The following XRCC4 variants were observed in gnomAD, a reference collection of about 807,000 sequenced individuals.
XRCC4 encodes X-ray repair cross complementing 4.
In XRCC4, 28 loss-of-function variants were observed where a neutral mutation model predicts 39.1. The observed-to-expected ratio is 0.72, with a 90% CI of 0.53 to 0.98. The LOEUF is 0.98. XRCC4 is among the 50% of genes least tolerant of loss of function. The pLI is 0.00. For synonymous variants in XRCC4, 123 were observed against 126.4 expected, an observed-to-expected ratio of 0.97 and a Z score of 0.18; for missense variants, 350 against 376.4, an observed-to-expected ratio of 0.93 and a Z score of 0.58.
At chr5:83,213,052 A>G (rs1452461707) in intron 6 of XRCC4, among the ~76,000 whole-genome samples, 2 of 151,886 alleles carry the variant, frequency 1.3e-5, no homozygotes, top group Non-Finnish European at 2.9e-5. Flanking sequence ...ATAACAACAG[A>G]CATTATCTGA....
intron 7 of XRCC4, among the ~76,000 whole-genome samples, chr5:83,274,487 G>T (rs1291770047): frequency 1.3e-5 from 2 of 152,142 alleles, no homozygotes; most frequent in Admixed American, 1.3e-4. Context: ...TAGAAGACAT[G>T]GTGGGGAGCA....
intron 3 of XRCC4, among the ~76,000 whole-genome samples, chr5:83,171,093 C>G (rs1237225537): frequency 3.9e-5 from 6 of 152,100 alleles, no homozygotes; most frequent in African/African-American, 1.4e-4. Context: ...CATTCCCATT[C>G]TTACACTCCA....
chr5:83,186,480 C>T (rs931816512), intron 3 of XRCC4, among the ~76,000 whole-genome samples: 2 of 152,178 alleles, frequency 1.3e-5, no homozygotes, highest in Admixed American at 6.5e-5. Context: ...TTACTGTGAT[C>T]TCCTTCCTTT....
At chr5:83,305,853 G>A (rs544033824) in intron 7 of XRCC4, among the ~76,000 whole-genome samples, 55 of 152,192 alleles carry the variant, frequency 3.6e-4, no homozygotes, top group African/African-American at 1.3e-3. Context: ...AAGAGAGAAA[G>A]ATGATATCAA....
At chr5:83,116,868 T>C (rs1407416599) in intron 3 of XRCC4, among the ~76,000 whole-genome samples, 1 of 152,076 alleles carries the variant, frequency 6.6e-6, no homozygotes, top group Non-Finnish European at 1.5e-5. Flanking sequence ...GTGATCTGCC[T>C]GCCTCGGCCT....
chr5:83,093,533 A>G (rs1333230131), intron 1 of XRCC4, among the ~76,000 whole-genome samples: 1 of 152,198 alleles, frequency 6.6e-6, no homozygotes, highest in Non-Finnish European at 1.5e-5. Flanking sequence ...TACACAGATC[A>G]TTTCTGGGAT....
chr5:83,170,528 A>G (rs1418781498), intron 3 of XRCC4, among the ~76,000 whole-genome samples: 1 of 152,122 alleles, frequency 6.6e-6, no homozygotes, highest in Non-Finnish European at 1.5e-5. Context: ...TTCTCTTCCA[A>G]GCTCACATAA....
chr5:83,270,829 A>G (rs1754121856), intron 7 of XRCC4, among the ~76,000 whole-genome samples: 1 of 149,536 alleles, frequency 6.7e-6, no homozygotes, highest in African/African-American at 2.5e-5. Flanking sequence ...TCTGTCACCC[A>G]GGCTGGAATG....
chr5:83,129,289 T>G (rs1747437294), intron 3 of XRCC4, among the ~76,000 whole-genome samples: 1 of 150,144 alleles, frequency 6.7e-6, no homozygotes, highest in African/African-American at 2.5e-5. Flanking sequence ...TGGTTGTAGA[T>G]GTGTGGTATT....
chr5:83,130,833 TA>T (rs1406664509), intron 3 of XRCC4, among the ~76,000 whole-genome samples: 1 of 152,210 alleles, frequency 6.6e-6, no homozygotes, highest in African/African-American at 2.4e-5. Flanking sequence ...TATCATTTTT[TA>T]TTGCATCTAT....
chr5:83,340,457 T>A (rs1756720967), intron 7 of XRCC4, among the ~76,000 whole-genome samples: 1 of 152,064 alleles, frequency 6.6e-6, no homozygotes, highest in Non-Finnish European at 1.5e-5. Flanking sequence ...TCCAATATAA[T>A]CACAAAGGTC....
intron 6 of XRCC4, among the ~76,000 whole-genome samples, chr5:83,218,605 A>T (rs1294060153): frequency 6.7e-6 from 1 of 150,118 alleles, no homozygotes; most frequent in East Asian, 1.9e-4. Flanking sequence ...GAAAATGGTT[A>T]AAAAACGATG....
chr5:83,253,612 G>C (rs1401480379), intron 6 of XRCC4, among the ~76,000 whole-genome samples: 1 of 151,954 alleles, frequency 6.6e-6, no homozygotes, highest in Admixed American at 6.6e-5. Context: ...GACTCTTTCT[G>C]TGTGCCAAGC....
intron 7 of XRCC4, among the ~76,000 whole-genome samples, chr5:83,283,533 C>T (rs1434409659): frequency 1.3e-5 from 2 of 152,120 alleles, no homozygotes; most frequent in Non-Finnish European, 2.9e-5. Context: ...GGTCCAAAAG[C>T]TCTCATATAA....
intron 1 of XRCC4, among the ~76,000 whole-genome samples, chr5:83,083,340 T>A (rs1316047611): frequency 6.6e-6 from 1 of 151,780 alleles, no homozygotes; most frequent in Non-Finnish European, 1.5e-5. Flanking sequence ...TTTGTTTGAA[T>A]GAATGACTGA....
chr5:83,090,351 G>GT (rs1015389083), intron 1 of XRCC4, among the ~76,000 whole-genome samples: 8 of 151,590 alleles, frequency 5.3e-5, no homozygotes, highest in African/African-American at 1.7e-4. Context: ...GGTTGGGGGG[G>GT]GCTCCCTGCA....
At chr5:83,295,520 A>G (rs918948098) in intron 7 of XRCC4, among the ~76,000 whole-genome samples, 2 of 152,066 alleles carry the variant, frequency 1.3e-5, no homozygotes, top group African/African-American at 2.4e-5. Context: ...GAATTGCAGA[A>G]TGAATCTGCC....
At chr5:83,370,017 A>T in the XRCC4 span, among the ~76,000 whole-genome samples, 1 of 151,880 alleles carries the variant, frequency 6.6e-6, no homozygotes, top group East Asian at 1.9e-4. Context: ...CATATATTTA[A>T]TCTTCTGTAC....
At chr5:83,359,996 G>A in the XRCC4 span, among the ~76,000 whole-genome samples, 1,465 of 151,994 alleles carry the variant, frequency 9.6e-3, 17 homozygotes, top group Non-Finnish European at 0.014. Flanking sequence ...TGTGATCTTC[G>A]GCAACAGCAT....
Sources: gnomAD v4.1 joint callset for allele counts (sites outside exome capture counted in the v4.1 genomes callset) on GRCh38, gnomAD v4.1.1 for gene constraint, MANE v1.5 for transcripts, NCBI Gene and HGNC (gene_info 2026-07-23, HGNC 2026-07-21) for gene names.